Variants in PLAAT3 observed in about 807,000 individuals in gnomAD.
PLAAT3 encodes the protein Ca-independent phospholipase A1/2.
Under a neutral mutation model 16.7 loss-of-function variants are expected in PLAAT3, and 21 were observed. The ratio of observed to expected loss-of-function variants is 1.26; its 90% CI spans 0.89 to 1.81. PLAAT3 has a LOEUF of 1.81. Among genes scored for constraint, PLAAT3 ranks in the 40% most tolerant of loss-of-function variants. The probability of loss-of-function intolerance (pLI) is 0.00; values close to 1 mark genes in which losing one functional copy is unlikely to be tolerated. For missense variants in PLAAT3, 219 were observed against 213.7 expected (o/e 1.02, Z -0.16); for synonymous variants, 76 against 81.7 (o/e 0.93, Z 0.38).
chr11:63,575,389 T>C (rs2017645876), intron 4 of PLAAT3, among the ~76,000 whole-genome samples: 1 of 152,114 alleles, frequency 6.6e-6, no homozygotes, highest in Non-Finnish European at 1.5e-5. Context: ...AATGGGGAGC[T>C]CTAGAAGCAA....
chr11:63,598,730 A>G, intron 2 of PLAAT3: 1 of 517,930 alleles, frequency 1.9e-6, no homozygotes, highest in Non-Finnish European at 3.9e-6. Context: ...AGGCTGCCAG[A>G]TCTGGAGGGC....
upstream of PLAAT3, among the ~76,000 whole-genome samples, chr11:63,615,070 A>ATATATGTGTATATATGTGTGTG (rs1938807421): frequency 2.8e-4 from 14 of 49,602 alleles, 4 homozygotes; most frequent in African/African-American, 5.4e-4. Context: ...ATATGTGTGT[A>ATATATGTGTATATATGTGTGTG]TATATGTGTG....
chr11:63,576,911 G>A (rs2017670172), intron 4 of PLAAT3, among the ~76,000 whole-genome samples: 1 of 152,260 alleles, frequency 6.6e-6, no homozygotes, highest in East Asian at 1.9e-4. Context: ...AGTGTTATTT[G>A]TAATTTCTCT....
At chr11:63,604,509 T>C (rs1370651879) in intron 2 of PLAAT3, among the ~76,000 whole-genome samples, 1 of 152,044 alleles carries the variant, frequency 6.6e-6, no homozygotes, top group Admixed American at 6.6e-5. Context: ...ACACCTGTAA[T>C]CCCAGCACTT....
upstream of PLAAT3, chr11:63,616,586 C>T (rs934990058): frequency 6.6e-6 from 1 of 152,078 alleles, no homozygotes; most frequent in Non-Finnish European, 1.5e-5. Flanking sequence ...TTACAACTTA[C>T]TATTCTTTGT....
At chr11:63,597,374 A>AT (rs1485148814) in intron 3 of PLAAT3, among the ~76,000 whole-genome samples, 1 of 151,976 alleles carries the variant, frequency 6.6e-6, no homozygotes, top group Non-Finnish European at 1.5e-5. Flanking sequence ...AATACAAAAA[A>AT]TTAGCCAGGT....
At position 63,607,505 on chromosome 11, in the gene PLAAT3, AAAT is replaced by A. The variant is rs767827671; in HGVS notation, c.15+6492_15+6494del. 5.3e-5 allele frequency among the ~76,000 whole-genome samples: 8 copies of A among 151,872 alleles called. No homozygotes were observed. In the South Asian group the frequency reaches 1.5e-3, roughly 28 times the overall value. ...TGAGACCCCATCTCTAAAATTTAAA[AAAT>A]AATAATAATAATAATAAAGAAAAGA... On this transcript the variant is annotated intron_variant, in intron 2 of 4. Transcript: ENST00000415826.
chr11:63,577,451 T>G (rs1937647287), intron 4 of PLAAT3, among the ~76,000 whole-genome samples: 1 of 152,164 alleles, frequency 6.6e-6, no homozygotes, highest in African/African-American at 2.4e-5. Context: ...ATTACAGGCG[T>G]GAGCCGCCGC....
chr11:63,594,612 A>G (rs1325778835), intron 3 of PLAAT3, among the ~76,000 whole-genome samples: 1 of 152,128 alleles, frequency 6.6e-6, no homozygotes, highest in African/African-American at 2.4e-5. Context: ...ATCTCAAAAA[A>G]AAGAAAAAAA....
chr11:63,578,243 A>C (rs929925291), intron 4 of PLAAT3, among the ~76,000 whole-genome samples: 4 of 152,068 alleles, frequency 2.6e-5, no homozygotes, highest in African/African-American at 7.2e-5. Flanking sequence ...AGATGGTGCC[A>C]CTGCACTCCA....
chr11:63,607,481 G>C (rs1938596721), intron 2 of PLAAT3, among the ~76,000 whole-genome samples: 1 of 151,776 alleles, frequency 6.6e-6, no homozygotes, highest in Admixed American at 6.6e-5. Flanking sequence ...GGAAACATGT[G>C]AGACCCCATC....
intron 4 of PLAAT3, among the ~76,000 whole-genome samples, chr11:63,579,959 C>A (rs1230606244): frequency 2.0e-5 from 3 of 151,508 alleles, no homozygotes; most frequent in Non-Finnish European, 4.4e-5. Flanking sequence ...AATTCTATAC[C>A]CAGACAAAGT....
chr11:63,580,441 G>T (rs756588597), intron 4 of PLAAT3, among the ~76,000 whole-genome samples: 19 of 152,180 alleles, frequency 1.2e-4, no homozygotes, highest in Non-Finnish European at 2.1e-4. Context: ...GGATCACGAG[G>T]TCAGGAGTTC....
intron 2 of PLAAT3, among the ~76,000 whole-genome samples, chr11:63,603,743 CACACACACACAG>C (rs201400500): frequency 0.24 from 31,197 of 131,460 alleles, 3,919 homozygotes; most frequent in East Asian, 0.51. Context: ...CACACACACA[CACACACACACAG>C]ACAGAGATAT....
chr11:63,580,967 C>T (rs1937795015), intron 4 of PLAAT3, among the ~76,000 whole-genome samples: 1 of 152,192 alleles, frequency 6.6e-6, no homozygotes, highest in Non-Finnish European at 1.5e-5. Flanking sequence ...ACTTCTTACA[C>T]CTGTCTTTAC....
In PLAAT3 at chr11:63,613,975, C is replaced by G. The variant is rs761537339; in HGVS notation, c.15+25G>C. 2.0e-6 allele frequency: 3 copies of G among 1,466,598 alleles called. No homozygotes were observed. In the African/African-American group the frequency reaches 4.2e-5, roughly 20 times the overall value. The allele number at this position is 1,466,598 out of a possible 1,614,324, so 90.8% of individuals were successfully genotyped here. ...CTAACAGGGGGCTCCCAGCCCCGCC[C>G]AGCCCCGCCTCGCCCCGCACTTACA... On this transcript the variant is annotated intron_variant, in intron 2 of 4. Coordinates refer to ENST00000415826, the MANE Select transcript of PLAAT3 (RefSeq NM_001128203.2).
At chr11:63,601,692 A>G (rs1938434715) in intron 2 of PLAAT3, among the ~76,000 whole-genome samples, 1 of 152,112 alleles carries the variant, frequency 6.6e-6, no homozygotes, top group African/African-American at 2.4e-5. Flanking sequence ...TTAAAGATAC[A>G]TGGCCGGATG....
intron 3 of PLAAT3, among the ~76,000 whole-genome samples, chr11:63,596,237 CAAAAAAA>C (rs56081443): frequency 1.2e-4 from 5 of 40,708 alleles, no homozygotes; most frequent in East Asian, 1.0e-3. Context: ...GAGACTCTGT[CAAAAAAA>C]AAAAAAAAAA....
chr11:63,603,067 TGG>T (rs1365690718), intron 2 of PLAAT3, among the ~76,000 whole-genome samples: 2 of 152,066 alleles, frequency 1.3e-5, no homozygotes, highest in Non-Finnish European at 2.9e-5. Flanking sequence ...CACTCCAGCC[TGG>T]GCAACAGAGC....
Sources: gnomAD v4.1 joint callset for allele counts (sites outside exome capture counted in the v4.1 genomes callset) on GRCh38, gnomAD v4.1.1 for gene constraint, MANE v1.5 for transcripts, NCBI Gene and HGNC (gene_info 2026-07-23, HGNC 2026-07-21) for gene names.